SLC36A2: variants seen among roughly 807,000 people sequenced by gnomAD.
SLC36A2 encodes the protein solute carrier family 36 member 2.
SLC36A2 carries 39 observed loss-of-function variants against 42.7 expected under a neutral mutation model. The observed-to-expected ratio is 0.91, with a 90% CI of 0.71 to 1.19. The LOEUF (loss-of-function observed/expected upper bound fraction) is 1.19. Ranked by LOEUF, SLC36A2 falls within the 50% of genes most tolerant of loss-of-function variation. SLC36A2 has a pLI of 0.00. For missense variants in SLC36A2, 590 were observed against 613.7 expected (o/e 0.96, Z 0.41); for synonymous variants, 237 against 240.8 (o/e 0.98, Z 0.15).
chr5:151,334,467 G>T (rs954294619), intron 6 of SLC36A2, among the ~76,000 whole-genome samples: 1 of 148,886 alleles, frequency 6.7e-6, no homozygotes, highest in Non-Finnish European at 1.5e-5. Context: ...AAGGCGGGGG[G>T]ATCACTTGAG....
chr5:151,330,361 A>G (rs1755964112), intron 7 of SLC36A2, among the ~76,000 whole-genome samples: 2 of 152,220 alleles, frequency 1.3e-5, no homozygotes, highest in Admixed American at 1.3e-4. Flanking sequence ...CAGATTTCTC[A>G]TCAGAAACCA....
intron 9 of SLC36A2, among the ~76,000 whole-genome samples, chr5:151,320,194 G>T (rs577592047): frequency 6.6e-6 from 1 of 151,998 alleles, no homozygotes. Flanking sequence ...GTAGTAAATG[G>T]TTATTTGTAA....
At chr5:151,338,930 T>A (rs746298520) in intron 5 of SLC36A2, 130 bp downstream of exon 5, 2 of 727,220 alleles carry the variant, frequency 2.8e-6, no homozygotes, top group Non-Finnish European at 5.0e-6. Flanking sequence ...GAGGCAAGTT[T>A]GACAACATCT....
At chr5:151,325,026 C>A in intron 8 of SLC36A2, 1 of 509,688 alleles carries the variant, frequency 2.0e-6, no homozygotes, top group Non-Finnish European at 3.6e-6. Context: ...AGACCAAGGG[C>A]TCTCACTTGT....
At chr5:151,339,707 C>T (rs79217363) in intron 4 of SLC36A2, among the ~76,000 whole-genome samples, 6,304 of 152,314 alleles carry the variant, frequency 0.041, 447 homozygotes, top group African/African-American at 0.14. Context: ...CTCCCGATAC[C>T]GGGCTTGGTG....
Position 151,334,386 on chromosome 5 carries a change from G to A in SLC36A2, c.744+943C>T, listed in dbSNP as rs1480607107. The stretch of plus-strand genomic sequence containing the variant: ...GAGACTTAACTTTCTATGTAGTGTT[G>A]TCTATTATAAAAGAAGAATTAGGCT... On this transcript the variant is annotated intron_variant, in intron 6 of 9. Coordinates refer to ENST00000335244, the MANE Select transcript of SLC36A2 (RefSeq NM_181776.3). Among the ~76,000 whole-genome samples the A allele has an allele frequency of 2.0e-5, 3 of 151,426 alleles. No homozygotes were observed. The East Asian group carries it at 5.8e-4, about 29-fold the overall frequency.
Position 151,316,937 on chromosome 5 carries a change from G to T in SLC36A2, c.1332C>A (p.Asp444Glu). The T allele has an allele frequency of 1.2e-6, 2 of 1,613,572 alleles. No homozygotes were observed. The highest frequency in any genetic ancestry group is 1.7e-6 in the Non-Finnish European group (2 of 1,179,846). The part of the protein sequence containing the change: ...EGMSPLTIFK[D>E]ALISILGFVG... ...CGAAGCCCAGGATGCTGATCAGGGC[G>T]TCCTTGAAGATGGTGAGGGGGCTCA... The change falls in exon 10 of 10, where the codon GAC becomes GAA. Residue 444 changes from aspartate to glutamate, a missense_variant. Physicochemically the swap from Asp to Glu is conservative, Grantham distance 45. Transcript: ENST00000335244.
chr5:151,342,854 C>G (rs778095553), intron 4 of SLC36A2, 34 bp downstream of exon 4: 4 of 1,573,798 alleles, frequency 2.5e-6, no homozygotes, highest in Non-Finnish European at 3.5e-6. Context: ...CTCCTGTGTC[C>G]TACCCCACTG....
At position 151,316,951 on chromosome 5, in the gene SLC36A2, T is replaced by G; in HGVS notation, c.1318A>C (p.Thr440Pro). The change falls in exon 10 of 10, where the codon ACC becomes CCC. Residue 440 changes from threonine (T) to proline (P), a missense_variant. By Grantham distance (38) the Thr-to-Pro change is conservative (BLOSUM62 -1). Transcript: ENST00000335244. ...TFYSEGMSPL[T>P]IFKDALISIL... ...CTGATCAGGGCGTCCTTGAAGATGG[T>G]GAGGGGGCTCATGCCCTCTGAGTAG... The G allele has an allele frequency of 1.2e-6, 2 of 1,613,878 alleles. No individual in the cohort carries two copies. Among genetic ancestry groups the G allele is most frequent in the South Asian group, 1.1e-5 (1 of 91,052 alleles).
At chr5:151,332,400 A>G (rs1006724342) in intron 7 of SLC36A2, 39 of 455,758 alleles carry the variant, frequency 8.6e-5, no homozygotes, top group Middle Eastern at 3.3e-4. Context: ...AAGATGTTCA[A>G]TGTCAAAAAC....
At chr5:151,320,489 AAAG>A (rs990488635) in intron 9 of SLC36A2, among the ~76,000 whole-genome samples, 2 of 152,230 alleles carry the variant, frequency 1.3e-5, no homozygotes, top group African/African-American at 4.8e-5. Flanking sequence ...TTGGCCTTAA[AAAG>A]AAGACACTTT....
chr5:151,332,073 G>T (rs559851940), intron 7 of SLC36A2, among the ~76,000 whole-genome samples: 1 of 152,022 alleles, frequency 6.6e-6, no homozygotes, highest in Non-Finnish European at 1.5e-5. Flanking sequence ...CACTATGTTA[G>T]CCAGACTGGT....
At chr5:151,323,062 C>T (rs1174790416) in intron 8 of SLC36A2, among the ~76,000 whole-genome samples, 2 of 152,100 alleles carry the variant, frequency 1.3e-5, no homozygotes. Flanking sequence ...ATGGCGAAAC[C>T]CTACCACTAC....
At chr5:151,346,639 TAGC>T (rs1318461733) in intron 1 of SLC36A2, among the ~76,000 whole-genome samples, 1 of 152,156 alleles carries the variant, frequency 6.6e-6, no homozygotes, top group Non-Finnish European at 1.5e-5. Context: ...CTAAGTAAAC[TAGC>T]AAGTCTGGTT....
rs1276868875 is a variant in SLC36A2, at chr5:151,340,191, TGGA to T, written c.441-1050_441-1048del. Among the ~76,000 whole-genome samples, 22 of 23,062 alleles carry T rather than the reference TGGA, an allele frequency of 9.5e-4. 1 individual carries two copies. Among genetic ancestry groups the T allele is most frequent in the African/African-American group, 5.0e-3 (14 of 2,792 alleles). 15.1% of individuals were successfully genotyped at this position (23,062 alleles called of 152,430 possible). A position where few individuals can be genotyped will look rare whatever the true frequency, so the allele number is the denominator to read the frequency against. ...AGGAAGGAGGAGGAGGAGGAAGAGG[TGGA>T]GGAGGAGGAGAGGAGGAGGAGGGAG... On this transcript the variant is annotated intron_variant, in intron 4 of 9. Coordinates refer to ENST00000335244, the MANE Select transcript of SLC36A2 (RefSeq NM_181776.3).
intron 9 of SLC36A2, among the ~76,000 whole-genome samples, chr5:151,317,319 G>A (rs1372992868): frequency 6.6e-6 from 1 of 152,008 alleles, no homozygotes; most frequent in Non-Finnish European, 1.5e-5. Context: ...GGGTGTGGTA[G>A]TGGGTGCCTA....
intron 7 of SLC36A2, among the ~76,000 whole-genome samples, chr5:151,328,250 C>T (rs1322243771): frequency 1.3e-5 from 2 of 152,102 alleles, no homozygotes; most frequent in Admixed American, 6.6e-5. Context: ...AACTAAAAAT[C>T]GTGGATGAAA....
intron 9 of SLC36A2, among the ~76,000 whole-genome samples, chr5:151,317,947 G>A (rs1290045112): frequency 6.6e-6 from 1 of 152,198 alleles, no homozygotes; most frequent in Non-Finnish European, 1.5e-5. Flanking sequence ...TTAATAAGGG[G>A]AAAAGGAGGG....
chr5:151,342,340 C>T (rs894009406), intron 4 of SLC36A2, among the ~76,000 whole-genome samples: 1 of 152,136 alleles, frequency 6.6e-6, no homozygotes, highest in Admixed American at 6.5e-5. Context: ...GCCCCACCCT[C>T]CAGGCCCCTG....
Sources: gnomAD v4.1 joint callset for allele counts (sites outside exome capture counted in the v4.1 genomes callset) on GRCh38, gnomAD v4.1.1 for gene constraint, MANE v1.5 for transcripts, NCBI Gene and HGNC (gene_info 2026-07-23, HGNC 2026-07-21) for gene names.